Variants in NDUFA10 observed in about 807,000 individuals in gnomAD.
The protein encoded by NDUFA10 is NADH:ubiquinone oxidoreductase subunit A10.
A neutral mutation model predicts 47.8 loss-of-function variants in NDUFA10; 40 were observed. That is an observed-to-expected ratio of 0.84 (90% CI 0.65 to 1.09). NDUFA10 has a LOEUF of 1.09. Ranked by LOEUF, NDUFA10 falls within the 50% of genes least tolerant of loss-of-function variation. The pLI, the probability that NDUFA10 is intolerant of heterozygous loss-of-function variation, is 0.00. For missense variants in NDUFA10, 413 were observed against 451.1 expected (o/e 0.92, Z 0.76); for synonymous variants, 183 against 172.2 (o/e 1.06, Z -0.49).
At chr2:239,917,217 G>C (rs779660832) in intron 4 of NDUFA10, among the ~76,000 whole-genome samples, 1 of 152,126 alleles carries the variant, frequency 6.6e-6, no homozygotes, top group Non-Finnish European at 1.5e-5. Context: ...AAAAGAGAAA[G>C]AAATAGGCTT....
intron 4 of NDUFA10, among the ~76,000 whole-genome samples, chr2:239,952,064 G>A (rs1694563944): frequency 6.6e-6 from 1 of 152,228 alleles, no homozygotes; most frequent in Non-Finnish European, 1.5e-5. Context: ...ACCCACTAGA[G>A]GTCTGCACAG....
rs79350193 is a variant in NDUFA10, at chr2:239,969,188, G to A, written c.1000-8002C>T. 9.8e-3 allele frequency among the ~76,000 whole-genome samples: 1,489 copies of A among 152,246 alleles called. 15 individuals are homozygous for A. Among genetic ancestry groups the A allele is most frequent in the Non-Finnish European group, 0.015 (1,046 of 68,014 alleles). On this transcript the variant is annotated intron_variant, in intron 9 of 9. Coordinates refer to ENST00000252711, the MANE Select transcript of NDUFA10 (RefSeq NM_004544.4). Reference sequence around the variant, plus strand: ...AAGCCAACTCAGAACTGACAAAGACGATGAATTAGGAAACAAAGACATTAC... The same window carrying A: ...AAGCCAACTCAGAACTGACAAAGACAATGAATTAGGAAACAAAGACATTAC...
intron 4 of NDUFA10, among the ~76,000 whole-genome samples, chr2:239,899,477 GATGGA>G (rs1693501026): frequency 8.1e-6 from 1 of 123,324 alleles, no homozygotes; most frequent in Admixed American, 7.8e-5. Flanking sequence ...GGAGGGGTGT[GATGGA>G]GAGGTGTGAT....
At chr2:239,943,592 G>T (rs1005643310) in intron 4 of NDUFA10, among the ~76,000 whole-genome samples, 3 of 152,138 alleles carry the variant, frequency 2.0e-5, no homozygotes, top group Admixed American at 2.0e-4. Context: ...AGGGACTGGG[G>T]GCAGGACACT....
intron 9 of NDUFA10, among the ~76,000 whole-genome samples, chr2:239,965,449 G>A (rs1027739847): frequency 1.3e-5 from 2 of 152,166 alleles, no homozygotes; most frequent in African/African-American, 4.8e-5. Context: ...CATCACATGA[G>A]AAAACGCGCA....
chr2:239,963,610 T>G (rs1414827831), intron 9 of NDUFA10, among the ~76,000 whole-genome samples: 1 of 152,152 alleles, frequency 6.6e-6, no homozygotes, highest in Non-Finnish European at 1.5e-5. Context: ...AAGGTAAGTG[T>G]CCGGTCTGCT....
At position 240,021,318 on chromosome 2, in the gene NDUFA10, A is replaced by G. The variant is rs1266353965; in HGVS notation, c.339T>C (p.Ser113=). The change falls in exon 3 of 10, where the codon AGT becomes AGC. Residue 113 remains serine (S), a synonymous_variant. Transcript: ENST00000252711. The part of the protein sequence containing the change: ...PLATDYNGNC[S]LEKFYDDPRS... ...TCGGATCATCGTAAAATTTCTCCAAACTACAGTTGCCATTATAGTCGGTGG... is the reference window on the plus strand; with the variant it reads ...TCGGATCATCGTAAAATTTCTCCAAGCTACAGTTGCCATTATAGTCGGTGG... 1 of 1,614,106 alleles carries G rather than the reference A, an allele frequency of 6.2e-7. No individual in the cohort carries two copies. Among genetic ancestry groups the G allele is most frequent in the East Asian group, 2.2e-5 (1 of 44,858 alleles).
chr2:239,995,380 C>A (rs1290406235), intron 8 of NDUFA10, among the ~76,000 whole-genome samples: 5 of 152,138 alleles, frequency 3.3e-5, no homozygotes, highest in African/African-American at 1.2e-4. Flanking sequence ...AGCAGCAGCA[C>A]CATCACGAAG....
At chr2:240,000,553 A>G (rs569247169) in intron 8 of NDUFA10, among the ~76,000 whole-genome samples, 1 of 152,356 alleles carries the variant, frequency 6.6e-6, no homozygotes, top group African/African-American at 2.4e-5. Context: ...CTTTTTATAT[A>G]AATTTAGTGT....
intron 9 of NDUFA10, among the ~76,000 whole-genome samples, chr2:239,977,089 C>G (rs1433726575): frequency 2.0e-5 from 3 of 152,264 alleles, no homozygotes; most frequent in Non-Finnish European, 4.4e-5. Flanking sequence ...CCCCGCCAAG[C>G]AGATCTCCCT....
intron 4 of NDUFA10, among the ~76,000 whole-genome samples, chr2:239,943,720 G>T (rs1381044034): frequency 6.6e-6 from 1 of 152,060 alleles, no homozygotes; most frequent in East Asian, 1.9e-4. Flanking sequence ...AGCACCGACC[G>T]CCCCTCCTGG....
intron 4 of NDUFA10, among the ~76,000 whole-genome samples, chr2:239,904,756 G>A (rs1406603880): frequency 6.6e-6 from 1 of 152,214 alleles, no homozygotes; most frequent in African/African-American, 2.4e-5. Flanking sequence ...GCTTACAACA[G>A]CAGACACACT....
At chr2:239,944,886 A>C (rs1255804789) in intron 4 of NDUFA10, among the ~76,000 whole-genome samples, 1 of 152,150 alleles carries the variant, frequency 6.6e-6, no homozygotes, top group Non-Finnish European at 1.5e-5. Context: ...ACCATCCGCA[A>C]TAGAAGGCAA....
chr2:239,997,254 G>A (rs1194735794), intron 8 of NDUFA10, among the ~76,000 whole-genome samples: 1 of 151,886 alleles, frequency 6.6e-6, no homozygotes, highest in African/African-American at 2.4e-5. Context: ...AATAAAACTA[G>A]GGTATACATC....
intron 1 of NDUFA10, among the ~76,000 whole-genome samples, chr2:240,023,726 T>C (rs1240776929): frequency 6.6e-6 from 1 of 152,194 alleles, no homozygotes; most frequent in Non-Finnish European, 1.5e-5. Flanking sequence ...CAGGAGAATA[T>C]GAAATATCAA....
At position 239,973,750 on chromosome 2, in the gene NDUFA10, G is replaced by A. The variant is rs146625352; in HGVS notation, c.1000-12564C>T. 3.3e-3 allele frequency: 1,252 copies of A among 384,582 alleles called. 15 individuals are homozygous for A. Among genetic ancestry groups the A allele is most frequent in the African/African-American group, 0.023 (1,101 of 46,964 alleles). 23.8% of individuals were successfully genotyped at this position (384,582 alleles called of 1,614,324 possible). A position where few individuals can be genotyped will look rare whatever the true frequency, so the allele number is the denominator to read the frequency against. On this transcript the variant is annotated intron_variant, in intron 9 of 9. Coordinates refer to ENST00000252711, the MANE Select transcript of NDUFA10 (RefSeq NM_004544.4). Reference sequence around the variant, plus strand: ...AGTGACCTGATACAATGTTTAAAACGTGACTTTAAAAAATCAGCAGCCTGT... The same window carrying A: ...AGTGACCTGATACAATGTTTAAAACATGACTTTAAAAAATCAGCAGCCTGT...
chr2:239,997,574 T>C (rs1017343996), intron 8 of NDUFA10, among the ~76,000 whole-genome samples: 1 of 152,234 alleles, frequency 6.6e-6, no homozygotes, highest in African/African-American at 2.4e-5. Flanking sequence ...GTAAAATGCG[T>C]TCATATACTC....
intron 4 of NDUFA10, chr2:239,943,105 G>C (rs564885092): frequency 6.5e-6 from 1 of 154,392 alleles, no homozygotes; most frequent in Admixed American, 6.5e-5. Context: ...ACAGGCCAAC[G>C]CATCCCTGGA....
At position 239,898,907 on chromosome 2, in the gene NDUFA10, A is replaced by G. The variant is rs75499001; in HGVS notation, c.295-3593T>C. On this transcript the variant is annotated intron_variant, in intron 4 of 5. Transcript: ENST00000419408. Reference sequence around the variant, plus strand: ...CATGTAAAGGGGTGTGAAGGAGGGGAGTGATGGAAGGTTGTGATGGAGGGG... The same window carrying G: ...CATGTAAAGGGGTGTGAAGGAGGGGGGTGATGGAAGGTTGTGATGGAGGGG... Among the ~76,000 whole-genome samples the G allele has an allele frequency of 3.4e-4, 43 of 127,998 alleles. 1 individual carries two copies. The East Asian group carries it at 7.5e-3, about 22-fold the overall frequency. 84.0% of individuals were successfully genotyped at this position (127,998 alleles called of 152,430 possible). A position where few individuals can be genotyped will look rare whatever the true frequency, so the allele number is the denominator to read the frequency against.
Sources: allele counts gnomAD v4.1 joint callset (sites outside exome capture counted in the v4.1 genomes callset), GRCh38; gene constraint gnomAD v4.1.1; transcripts MANE v1.5; gene names NCBI Gene and HGNC (gene_info 2026-07-23, HGNC 2026-07-21).